Variants in ZHX3 observed in about 807,000 individuals in gnomAD.
ZHX3 encodes zinc fingers and homeoboxes protein 3.
ZHX3 carries 20 observed loss-of-function variants against 64.5 expected under a neutral mutation model. The observed-to-expected ratio is 0.31, with a 90% CI of 0.22 to 0.45. The LOEUF (loss-of-function observed/expected upper bound fraction) is 0.45, where lower values mean the gene tolerates loss of function less well. Among genes scored for constraint, ZHX3 ranks in the 20% least tolerant of loss-of-function variants. The pLI, the probability that ZHX3 is intolerant of heterozygous loss-of-function variation, is 1.00. For synonymous variants in ZHX3, 423 were observed against 461.6 expected, an observed-to-expected ratio of 0.92 and a Z score of 1.07; for missense variants, 1,041 against 1,195.8, an observed-to-expected ratio of 0.87 and a Z score of 1.91.
At chr20:41,245,583 C>T (rs930993555) in intron 2 of ZHX3, among the ~76,000 whole-genome samples, 2 of 152,314 alleles carry the variant, frequency 1.3e-5, no homozygotes, top group Non-Finnish European at 2.9e-5. Flanking sequence ...AATGAGCACA[C>T]CCAGTTACAT....
rs755309466 is a variant in ZHX3, at chr20:41,202,403, C to T, written c.2514G>A (p.Gly838=). ...GGTTGCCAGGGGCAATGACCAGTAG[C>T]CCTGGTGGGAAGTTGCCTCGCTTAT... The part of the protein sequence containing the change: ...EDYKRGNFPP[G]LLVIAPGNRE... The change falls in exon 3 of 4, where the codon GGG becomes GGA. Residue 838 remains glycine, a synonymous_variant. Transcript: ENST00000683867. This position sits in a 1 kb window ranked among gnomAD's most constrained non-coding sequence, Gnocchi z 7.0. 1.4e-5 allele frequency: 22 copies of T among 1,614,184 alleles called. No homozygotes were observed. The Middle Eastern group carries it at 6.6e-4, about 48-fold the overall frequency.
chr20:41,215,947 C>CT (rs1405891210), intron 2 of ZHX3, among the ~76,000 whole-genome samples: 2 of 137,944 alleles, frequency 1.4e-5, no homozygotes, highest in East Asian at 4.1e-4. Context: ...GCGAGACTGT[C>CT]CAAAAAAAAA....
At chr20:41,257,747 G>A (rs2042336178) in intron 2 of ZHX3, among the ~76,000 whole-genome samples, 1 of 150,122 alleles carries the variant, frequency 6.7e-6, no homozygotes, top group South Asian at 2.1e-4. Context: ...TAGTAGCTGG[G>A]ACTACAGGCA....
At chr20:41,213,491 C>T (rs930852136) in intron 2 of ZHX3, among the ~76,000 whole-genome samples, 10 of 152,150 alleles carry the variant, frequency 6.6e-5, no homozygotes, top group South Asian at 4.1e-4. Context: ...TGCCTGTGAA[C>T]ATCAGGTTTG....
chr20:41,295,243 T>C lies in ZHX3; in HGVS notation c.-245+22266A>G, dbSNP rs111878408. ...AAACAATATTTATAAAGAAAAATAATACATAAAACACTTCAGTAGAATGCA... is the reference window on the plus strand; with the variant it reads ...AAACAATATTTATAAAGAAAAATAACACATAAAACACTTCAGTAGAATGCA... On this transcript the variant is annotated intron_variant, in intron 1 of 3. Transcript: ENST00000683867. 8.5e-3 allele frequency among the ~76,000 whole-genome samples: 1,287 copies of C among 152,192 alleles called. 14 individuals are homozygous for C. The highest frequency in any genetic ancestry group is 0.03 in the African/African-American group (1,241 of 41,536).
intron 3 of ZHX3, among the ~76,000 whole-genome samples, chr20:41,196,384 A>T (rs1476762205): frequency 1.5e-5 from 1 of 66,540 alleles, no homozygotes; most frequent in African/African-American, 8.4e-5. Context: ...ATATAACATA[A>T]ATATATATTT....
chr20:41,297,793 C>T (rs552851396), intron 1 of ZHX3, among the ~76,000 whole-genome samples: 1 of 152,314 alleles, frequency 6.6e-6, no homozygotes, highest in Non-Finnish European at 1.5e-5. Flanking sequence ...ATATTTTCTC[C>T]CATTTGGTCT....
In ZHX3 at chr20:41,184,784, A is replaced by C; in HGVS notation, c.*407T>G. 2.8e-6 allele frequency: 3 copies of C among 1,080,312 alleles called. No homozygotes were observed. The highest frequency in any genetic ancestry group is 1.7e-5 in the South Asian group (1 of 60,044). The allele number at this position is 1,080,312 out of a possible 1,614,324, so 66.9% of individuals were successfully genotyped here. On this transcript the variant is annotated 3_prime_UTR_variant, in exon 4 of 4. Transcript: ENST00000683867. ...GTCATTTTTAGAGATGACGTAACTGACAATGCACTGCTTGGCTAACCAAAG... is the reference window on the plus strand; with the variant it reads ...GTCATTTTTAGAGATGACGTAACTGCCAATGCACTGCTTGGCTAACCAAAG...
chr20:41,222,575 G>A (rs1306322706), intron 2 of ZHX3, among the ~76,000 whole-genome samples: 1 of 152,142 alleles, frequency 6.6e-6, no homozygotes, highest in African/African-American at 2.4e-5. Context: ...TACAGAAATG[G>A]GGGTTGGGGG....
intron 3 of ZHX3, among the ~76,000 whole-genome samples, chr20:41,187,323 CAAAA>C (rs57588943): frequency 1.9e-4 from 15 of 77,444 alleles, no homozygotes; most frequent in African/African-American, 3.1e-4. Flanking sequence ...GAACCTGTCT[CAAAA>C]AAAAAAAAAA....
At position 41,247,040 on chromosome 20, in the gene ZHX3, C is replaced by T. The variant is rs533342737; in HGVS notation, c.-151+21950G>A. 8.5e-5 allele frequency among the ~76,000 whole-genome samples: 13 copies of T among 152,178 alleles called. No individual in the cohort carries two copies. The South Asian group carries it at 1.9e-3, about 22-fold the overall frequency. On this transcript the variant is annotated intron_variant, in intron 2 of 3. Coordinates refer to ENST00000683867, the MANE Select transcript of ZHX3 (RefSeq NM_001384317.1). Reference sequence around the variant, plus strand: ...CTATGGGAGGCTAAGGCTGGCAGATCGCTTGAGCCTAGGAGTTTGAGACCA... The same window carrying T: ...CTATGGGAGGCTAAGGCTGGCAGATTGCTTGAGCCTAGGAGTTTGAGACCA...
intron 2 of ZHX3, among the ~76,000 whole-genome samples, chr20:41,251,012 T>A (rs550494944): frequency 5.1e-4 from 77 of 151,950 alleles, no homozygotes; most frequent in African/African-American, 1.8e-3. Flanking sequence ...ACAAATAAAA[T>A]TAAAAAATAA....
At chr20:41,205,807 G>A (rs936656466) in intron 2 of ZHX3, among the ~76,000 whole-genome samples, 4 of 152,192 alleles carry the variant, frequency 2.6e-5, no homozygotes, top group Admixed American at 1.3e-4. Flanking sequence ...CACTCAAAGG[G>A]TGGTCTCACC....
At chr20:41,229,886 G>T (rs185054165) in intron 2 of ZHX3, among the ~76,000 whole-genome samples, 8 of 152,172 alleles carry the variant, frequency 5.3e-5, no homozygotes, top group Non-Finnish European at 7.4e-5. Context: ...TATAGTTTTA[G>T]ATCTTTTGTT....
In ZHX3 at chr20:41,203,186, G is replaced by C. The variant is rs2038396287; in HGVS notation, c.1731C>G (p.Ser577=). ...IIDSVPEVSF[S]PSSKVPEVTC... ...TTACCTCAGGGACCTTGGACGATGG[G>C]GAGAAGGACACCTCTGGCACAGAGT... The change falls in exon 3 of 4, where the codon TCC becomes TCG. Residue 577 remains serine, a synonymous_variant. Coordinates refer to ENST00000683867, the MANE Select transcript of ZHX3 (RefSeq NM_001384317.1). The surrounding 1 kb of genome is among the most constrained non-coding windows in gnomAD (Gnocchi z 7.1). 6.2e-7 allele frequency: 1 copy of C among 1,613,970 alleles called. No homozygotes were observed. The highest frequency in any genetic ancestry group is 1.1e-5 in the South Asian group (1 of 91,074).
chr20:41,269,767 CAGA>C (rs899243856), intron 1 of ZHX3, among the ~76,000 whole-genome samples: 3 of 151,816 alleles, frequency 2.0e-5, no homozygotes, highest in Non-Finnish European at 2.9e-5. Context: ...GCGAGTATAC[CAGA>C]AGGTCTCAGA....
At position 41,200,388 on chromosome 20, in the gene ZHX3, G is replaced by A. The variant is rs1259224053; in HGVS notation, c.2860+1669C>T. 2.0e-5 allele frequency among the ~76,000 whole-genome samples: 3 copies of A among 152,144 alleles called. No homozygotes were observed. Among genetic ancestry groups the A allele is most frequent in the Non-Finnish European group, 2.9e-5 (2 of 68,028 alleles). On this transcript the variant is annotated intron_variant, in intron 3 of 3. Transcript: ENST00000683867. The surrounding 1 kb of genome is among the most constrained non-coding windows in gnomAD (Gnocchi z 4.2). ...GTATATTACAAGAAGCACAGAGCTGGGTATAATATAAGGACCAACTTACAA... is the reference window on the plus strand; with the variant it reads ...GTATATTACAAGAAGCACAGAGCTGAGTATAATATAAGGACCAACTTACAA...
rs57987896 is a variant in ZHX3, at chr20:41,296,232, T to TA, written c.-245+21276dup. Among the ~76,000 whole-genome samples the TA allele has an allele frequency of 7.7e-3, 558 of 72,916 alleles. 82 individuals carry two copies. Among genetic ancestry groups the TA allele is most frequent in the Middle Eastern group, 0.018 (2 of 110 alleles). The allele number at this position is 72,916 out of a possible 152,430, so 47.8% of individuals were successfully genotyped here. On this transcript the variant is annotated intron_variant, in intron 1 of 3. Coordinates refer to ENST00000683867, the MANE Select transcript of ZHX3 (RefSeq NM_001384317.1). ...TTCCCTTCTCCTCAAGTTCATAAAG[T>TA]AAAAAAAAAAAAAAAAAAAAAAAAA...
intron 2 of ZHX3, among the ~76,000 whole-genome samples, chr20:41,243,232 A>G (rs1372115525): frequency 6.6e-6 from 1 of 152,222 alleles, no homozygotes; most frequent in Non-Finnish European, 1.5e-5. Flanking sequence ...GTAATTCCAC[A>G]GTGAATAGGA....
Sources: allele counts gnomAD v4.1 joint callset (sites outside exome capture counted in the v4.1 genomes callset), GRCh38; gene constraint gnomAD v4.1.1; non-coding constraint Gnocchi (gnomAD v3.1); transcripts MANE v1.5; gene names NCBI Gene and HGNC (gene_info 2026-07-23, HGNC 2026-07-21).